Variants in SLC66A3 observed in about 807,000 individuals in gnomAD.
SLC66A3 encodes PQ loop repeat containing 3.
In SLC66A3, 23 loss-of-function variants were observed where a neutral mutation model predicts 25.5. That is an observed-to-expected ratio of 0.90 (90% CI 0.65 to 1.28). The LOEUF is 1.28. SLC66A3 is among the 50% of genes most tolerant of loss of function. SLC66A3 has a pLI of 0.00. For synonymous variants in SLC66A3, 108 were observed against 112.6 expected (o/e 0.96, Z 0.26); for missense variants, 246 against 262.1 (o/e 0.94, Z 0.42).
chr2:11,159,365 G>A (rs903699150), intron 1 of SLC66A3, among the ~76,000 whole-genome samples: 3 of 152,170 alleles, frequency 2.0e-5, no homozygotes, highest in Non-Finnish European at 4.4e-5. Context: ...CCTGAAGCTG[G>A]GAGGTGGCTC....
At position 11,168,342 on chromosome 2, in the gene SLC66A3, G is replaced by A. The variant is rs144819006; in HGVS notation, c.355-3583G>A. On this transcript the variant is annotated intron_variant, in intron 4 of 6. Coordinates refer to ENST00000295083, the MANE Select transcript of SLC66A3 (RefSeq NM_152391.5). Reference sequence around the variant, plus strand: ...ATCCCTTCTTTCCAATCCTGTTCCTGGATTAGACTGTTTTACAGAAAAACT... The same window carrying A: ...ATCCCTTCTTTCCAATCCTGTTCCTAGATTAGACTGTTTTACAGAAAAACT... 6.1e-3 allele frequency among the ~76,000 whole-genome samples: 929 copies of A among 151,590 alleles called. 11 individuals are homozygous for A. Among genetic ancestry groups the A allele is most frequent in the African/African-American group, 0.021 (879 of 41,322 alleles).
intron 3 of SLC66A3, among the ~76,000 whole-genome samples, chr2:11,162,047 A>G (rs572407747): frequency 1.2e-4 from 19 of 152,364 alleles, no homozygotes; most frequent in African/African-American, 4.6e-4. Flanking sequence ...AGCATACACC[A>G]TAAACTGTGC....
chr2:11,175,103 G>A, intron 6 of SLC66A3, 94 bp downstream of exon 6: 1 of 894,340 alleles, frequency 1.1e-6, no homozygotes, highest in Non-Finnish European at 1.8e-6. Context: ...GGATGGACTT[G>A]GCTCTGTTGG....
chr2:11,173,749 C>T (rs1662635202), intron 5 of SLC66A3, among the ~76,000 whole-genome samples: 1 of 152,218 alleles, frequency 6.6e-6, no homozygotes, highest in Admixed American at 6.5e-5. Flanking sequence ...TCTTCTCTAA[C>T]TCCCAAGTCA....
chr2:11,170,320 C>T (rs776530328), intron 4 of SLC66A3, among the ~76,000 whole-genome samples: 10 of 152,220 alleles, frequency 6.6e-5, no homozygotes, highest in African/African-American at 9.6e-5. Context: ...CTTCGGTCTA[C>T]ACTCAACCCA....
rs1208209287 is a variant in SLC66A3 at position 11,160,671 on chromosome 2, G to A, written c.273G>A (p.Lys91=). The change falls in exon 3 of 7, where the codon AAG becomes AAA. Residue 91 remains lysine (K), a synonymous_variant. Coordinates refer to ENST00000295083, the MANE Select transcript of SLC66A3 (RefSeq NM_152391.5). ...LCIFHFNGNV[K]QATPYIAVLV... is the part of the protein sequence containing the mutation. ...TCTTTCATTTTAACGGGAACGTGAA[G>A]CAGGCCACTCCTTACATCGCTGTGT... The A allele has an allele frequency of 6.2e-7, 1 of 1,614,110 alleles. No homozygotes were observed.
chr2:11,173,380 C>A (rs1441012797), intron 5 of SLC66A3, among the ~76,000 whole-genome samples: 1 of 152,184 alleles, frequency 6.6e-6, no homozygotes, highest in Non-Finnish European at 1.5e-5. Flanking sequence ...TGGTCATTAA[C>A]CCTTGTCAGA....
intron 1 of SLC66A3, among the ~76,000 whole-genome samples, chr2:11,158,825 A>T (rs1662002806): frequency 6.6e-6 from 1 of 152,192 alleles, no homozygotes; most frequent in South Asian, 2.1e-4. Flanking sequence ...TCTCAAAAAA[A>T]AAGAAACATT....
intron 5 of SLC66A3, 97 bp downstream of exon 5, chr2:11,172,142 C>T (rs1477160491): frequency 2.0e-5 from 24 of 1,181,538 alleles, no homozygotes; most frequent in East Asian, 2.5e-5. Context: ...TGGTCCCTGG[C>T]GCTTTACTAC....
chr2:11,163,603 G>A (rs1253843930), intron 3 of SLC66A3, among the ~76,000 whole-genome samples: 1 of 152,200 alleles, frequency 6.6e-6, no homozygotes, highest in Non-Finnish European at 1.5e-5. Context: ...TTGCCCAAGG[G>A]CACTCCAGAG....
At position 11,164,246 on chromosome 2, in the gene SLC66A3, C is replaced by T; in HGVS notation, c.339C>T (p.Ile113=). ...TCATCCTTGCCCTGCAGAAGTGGAT[C>T]ATAGACCTGGCCATGGTAAGTATTA... is the stretch of plus-strand genomic sequence containing the variant. ...SWFILALQKW[I]IDLAMNLCTF... The change falls in exon 4 of 7, where the codon ATC becomes ATT. Residue 113 remains isoleucine (I), a synonymous_variant. Coordinates refer to ENST00000295083, the MANE Select transcript of SLC66A3 (RefSeq NM_152391.5). 1.9e-6 allele frequency: 3 copies of T among 1,565,460 alleles called. No homozygotes were observed. The highest frequency in any genetic ancestry group is 2.4e-5 in the South Asian group (2 of 82,458).
chr2:11,160,815 A>C, intron 3 of SLC66A3, 121 bp downstream of exon 3: 1 of 1,460,670 alleles, frequency 6.8e-7, no homozygotes, highest in Non-Finnish European at 9.2e-7. Flanking sequence ...AAAAAAAAAA[A>C]AAAAAATCCC....
chr2:11,164,320 T>C (rs1020301190), intron 4 of SLC66A3, 59 bp downstream of exon 4: 9 of 377,520 alleles, frequency 2.4e-5, no homozygotes, highest in Admixed American at 7.3e-5. Flanking sequence ...GAGAACTTGA[T>C]AGATATTTAT....
rs544387869 is a variant in SLC66A3 at position 11,159,794 on chromosome 2, A to AG, written c.144-667dup. On this transcript the variant is annotated intron_variant, in intron 1 of 6. Transcript: ENST00000295083. ...TCCTGAAGGGAGATGGCTGGGTGTG[A>AG]GGGGGAGGCAGGAAGCTCTGCCTTT... 6.9e-3 allele frequency among the ~76,000 whole-genome samples: 1,055 copies of AG among 152,204 alleles called. 14 individuals are homozygous for AG. The highest frequency in any genetic ancestry group is 0.024 in the African/African-American group (999 of 41,538).
In SLC66A3 at chr2:11,166,629, G is replaced by T. The variant is rs143005880; in HGVS notation, c.354+2368G>T. ...CATGGGTCGAGGTGGGGTGGCTCAC[G>T]TCTGGAATCTCAGCACCTTGGGAGG... On this transcript the variant is annotated intron_variant, in intron 4 of 6. Coordinates refer to ENST00000295083, the MANE Select transcript of SLC66A3 (RefSeq NM_152391.5). Among the ~76,000 whole-genome samples the T allele has an allele frequency of 7.2e-3, 1,093 of 152,308 alleles. 16 individuals are homozygous for T. Among genetic ancestry groups the T allele is most frequent in the African/African-American group, 0.025 (1,037 of 41,564 alleles).
Position 11,171,953 on chromosome 2 carries a change from G to A in SLC66A3, c.383G>A (p.Ser128Asn), listed in dbSNP as rs754077381. ...CTATGTACTTTCATCAGCGCGGCCA[G>A]TAAGTTTGCACAGCTCCAGTGTCTG... ...MNLCTFISAA[S>N]KFAQLQCLWK... The change falls in exon 5 of 7, where the codon AGT (serine) becomes AAT (asparagine). Residue 128 changes from serine (S) to asparagine (N), a missense_variant. Transcript: ENST00000295083. 37 of 1,614,078 alleles carry A rather than the reference G, an allele frequency of 2.3e-5. No individual in the cohort carries two copies. In the East Asian group the frequency reaches 3.3e-4, roughly 15 times the overall value.
rs569302552 is a variant in SLC66A3, at chr2:11,175,591, C to T, written c.517+582C>T. Among the ~76,000 whole-genome samples, 5 of 152,318 alleles carry T rather than the reference C, an allele frequency of 3.3e-5. No individual in the cohort carries two copies. In the South Asian group the frequency reaches 1.0e-3, roughly 32 times the overall value. On this transcript the variant is annotated intron_variant, in intron 6 of 6. Transcript: ENST00000295083. ...TGGCAGTGGCCCAAGTATCCAGGGC[C>T]TACAAGAACTGCCTACAAAACAGTA...
intron 4 of SLC66A3, 82 bp downstream of exon 4, chr2:11,164,343 A>ATTTT (rs1323751814): frequency 2.2e-4 from 25 of 112,738 alleles, no homozygotes; most frequent in South Asian, 8.3e-4. Context: ...ATATATATAT[A>ATTTT]TATTTTTTTT....
At position 11,178,591 on chromosome 2, in the gene SLC66A3, A is replaced by G. The variant is rs950566684; in HGVS notation, c.*763A>G. The G allele has an allele frequency of 4.6e-5, 7 of 152,656 alleles. No individual in the cohort carries two copies. The highest frequency in any genetic ancestry group is 1.7e-4 in the African/African-American group (7 of 41,466). 9.5% of individuals were successfully genotyped at this position (152,656 alleles called of 1,614,324 possible). A position where few individuals can be genotyped will look rare whatever the true frequency, so the allele number is the denominator to read the frequency against. On this transcript the variant is annotated 3_prime_UTR_variant, in exon 7 of 7. Coordinates refer to ENST00000295083, the MANE Select transcript of SLC66A3 (RefSeq NM_152391.5). ...TACCACTGTTGGAATTTGGTACAAA[A>G]TATGTTTTGTCTATTGAAAACATAC... is the stretch of plus-strand genomic sequence containing the variant.
Sources: gnomAD v4.1 joint callset for allele counts (sites outside exome capture counted in the v4.1 genomes callset) on GRCh38, gnomAD v4.1.1 for gene constraint, MANE v1.5 for transcripts, NCBI Gene and HGNC (gene_info 2026-07-23, HGNC 2026-07-21) for gene names.